Variants in CELA3A observed in about 807,000 individuals in gnomAD.
CELA3A encodes chymotrypsin like elastase 3A, also known as chymotrypsin-like elastase family member 3A.
Under a neutral mutation model 38.6 loss-of-function variants are expected in CELA3A, and 35 were observed. The ratio of observed to expected loss-of-function variants is 0.91; its 90% CI spans 0.69 to 1.20. The LOEUF (loss-of-function observed/expected upper bound fraction) is 1.20, where lower values mean the gene tolerates loss of function less well. Ranked by LOEUF, CELA3A falls within the 50% of genes most tolerant of loss-of-function variation. The pLI, the probability that CELA3A is intolerant of heterozygous loss-of-function variation, is 0.00. For synonymous variants in CELA3A, 143 were observed against 136.7 expected (o/e 1.05, Z -0.32); for missense variants, 343 against 354.2 (o/e 0.97, Z 0.25).
Position 22,005,418 on chromosome 1 carries a change from A to T in CELA3A, c.130-29A>T, listed in dbSNP as rs769142302. The T allele has an allele frequency of 3.7e-6, 6 of 1,609,822 alleles. No individual in the cohort carries two copies. In the Admixed American group the frequency reaches 1.0e-4, roughly 27 times the overall value. ...CAACTCTCATGGTGGGGCCCAGCCC[A>T]CTGAGGCCCTTTCCTCCTGGGCCAC... is the stretch of plus-strand genomic sequence containing the variant. On this transcript the variant is annotated intron_variant, in intron 2 of 7. Transcript: ENST00000290122.
chr1:22,007,254 C>T (rs1352682888), intron 5 of CELA3A, 119 bp from the exon 6 acceptor site: 11 of 1,402,594 alleles, frequency 7.8e-6, no homozygotes, highest in African/African-American at 4.4e-5. Flanking sequence ...GACCATTTAG[C>T]GGGTGGGAGG....
At chr1:22,006,141 A>C in intron 4 of CELA3A, 1 of 283,724 alleles carries the variant, frequency 3.5e-6, no homozygotes, top group African/African-American at 2.1e-5. Flanking sequence ...CATTCAATAG[A>C]TGGCTCACCC....
chr1:22,003,233 C>A, intron 2 of CELA3A, 145 bp downstream of exon 2: 1 of 889,114 alleles, frequency 1.1e-6, no homozygotes, highest in Admixed American at 2.3e-5. Flanking sequence ...GGACCATCTA[C>A]TTCACGGGGA....
At chr1:22,006,732 AATAATAATAATG>A in intron 4 of CELA3A, 134 bp from the exon 5 acceptor site, 20 of 459,218 alleles carry the variant, frequency 4.4e-5, no homozygotes, top group Admixed American at 8.4e-5. Flanking sequence ...TAATAATAAT[AATAATAATAATG>A]ATGATGAAAG....
At chr1:22,009,209 C>T (rs1482437166) in intron 6 of CELA3A, among the ~76,000 whole-genome samples, 2 of 151,216 alleles carry the variant, frequency 1.3e-5, no homozygotes, top group Admixed American at 1.3e-4. Flanking sequence ...ACGAAAAATA[C>T]AAAAATTAGC....
rs112859675 is a variant in CELA3A, at chr1:22,004,281, C to T, written c.130-1166C>T. 5.6e-4 allele frequency among the ~76,000 whole-genome samples: 85 copies of T among 150,814 alleles called. 6 individuals carry two copies. Among genetic ancestry groups the T allele is most frequent in the African/African-American group, 2.0e-3 (82 of 40,702 alleles). The stretch of plus-strand genomic sequence containing the variant: ...AGAGATGGGGTCTCACTATGTTGCC[C>T]AGGCTTGCCTCGAACTTCTGAGCTC... On this transcript the variant is annotated intron_variant, in intron 2 of 7. Transcript: ENST00000290122.
At chr1:22,010,293 A>C (rs373254577) in intron 7 of CELA3A, 31 of 385,520 alleles carry the variant, frequency 8.0e-5, no homozygotes, top group South Asian at 1.8e-4. Context: ...AATAACGCTC[A>C]TGGTAACAGT....
chr1:22,007,780 C>G (rs1433309633), intron 6 of CELA3A, among the ~76,000 whole-genome samples: 1 of 151,286 alleles, frequency 6.6e-6, no homozygotes, highest in Non-Finnish European at 1.5e-5. Flanking sequence ...TCCGCATCAG[C>G]ACAGCAGGAG....
chr1:22,006,668 G>A (rs1644951589), intron 4 of CELA3A, among the ~76,000 whole-genome samples: 1 of 150,332 alleles, frequency 6.7e-6, no homozygotes, highest in Non-Finnish European at 1.5e-5. Flanking sequence ...AGTGAGCTAT[G>A]ATTGTGACAC....
chr1:22,005,705 G>A lies in CELA3A; in HGVS notation c.271G>A (p.Ala91Thr). The change falls in exon 4 of 8, where the codon GCT becomes ACT. Residue 91 changes from alanine (A) to threonine (T), a missense_variant. By Grantham distance (58) the Ala-to-Thr change is moderately conservative (BLOSUM62 0). Transcript: ENST00000290122. ...GGTGGTGTTGGGTGAGTACAACCTT[G>A]CTGTGAAGGAGGGCCCCGAGCAGGT... ...YQVVLGEYNL[A>T]VKEGPEQVIP... 6.2e-7 allele frequency: 1 copy of A among 1,612,476 alleles called. No individual in the cohort carries two copies.
intron 6 of CELA3A, among the ~76,000 whole-genome samples, chr1:22,009,477 G>A (rs879621489): frequency 4.6e-5 from 7 of 151,314 alleles, no homozygotes; most frequent in Non-Finnish European, 1.0e-4. Context: ...CCTGGGAGCC[G>A]GGAGACGGAG....
chr1:22,008,414 G>A (rs1644963841), intron 6 of CELA3A, among the ~76,000 whole-genome samples: 1 of 150,676 alleles, frequency 6.6e-6, no homozygotes, highest in Non-Finnish European at 1.5e-5. Context: ...GCCTTCCAAA[G>A]TGTTATGTTT....
At chr1:22,010,289 G>A (rs369009349) in intron 7 of CELA3A, 26 of 387,264 alleles carry the variant, frequency 6.7e-5, no homozygotes, top group South Asian at 1.8e-4. Context: ...GACTAATAAC[G>A]CTCATGGTAA....
At chr1:22,009,193 G>A (rs1344883430) in intron 6 of CELA3A, among the ~76,000 whole-genome samples, 2 of 151,126 alleles carry the variant, frequency 1.3e-5, no homozygotes, top group East Asian at 1.9e-4. Flanking sequence ...GTGAAACCCC[G>A]TCTCTACGAA....
At chr1:22,007,718 A>C (rs11584257) in intron 6 of CELA3A, among the ~76,000 whole-genome samples, 5,412 of 151,120 alleles carry the variant, frequency 0.036, 505 homozygotes, top group African/African-American at 0.13. Context: ...GTCTCAGCTC[A>C]CACACTGACA....
intron 7 of CELA3A, chr1:22,010,960 ATAAAC>A (rs1387759753): frequency 6.6e-6 from 1 of 150,668 alleles, no homozygotes; most frequent in Non-Finnish European, 1.5e-5. Context: ...AAAAATGAAA[ATAAAC>A]TAAATAAAAT....
intron 7 of CELA3A, among the ~76,000 whole-genome samples, chr1:22,011,988 G>C (rs116482722): frequency 0.091 from 11,492 of 126,122 alleles, 2,744 homozygotes; most frequent in Non-Finnish European, 0.13. Context: ...AAGAAGTGGA[G>C]GTTGCAGTGA....
chr1:22,007,740 A>G (rs887149064), intron 6 of CELA3A, among the ~76,000 whole-genome samples: 1 of 151,212 alleles, frequency 6.6e-6, no homozygotes, highest in Non-Finnish European at 1.5e-5. Flanking sequence ...GACTTGGGAC[A>G]AGTCACTGTG....
chr1:22,003,150 C>G lies in CELA3A; in HGVS notation c.129+62C>G. On this transcript the variant is annotated intron_variant, in intron 2 of 7. Coordinates refer to ENST00000290122, the MANE Select transcript of CELA3A (RefSeq NM_005747.5). ...GGCTCTGGACCCTAAGCTCTAATGG[C>G]GTGGCATCCAGCCTTGACACCATTG... 2.8e-6 allele frequency: 4 copies of G among 1,422,862 alleles called. No homozygotes were observed. In the South Asian group the frequency reaches 4.8e-5, roughly 17 times the overall value. The allele number at this position is 1,422,862 out of a possible 1,614,324, so 88.1% of individuals were successfully genotyped here.
Sources: allele counts gnomAD v4.1 joint callset (sites outside exome capture counted in the v4.1 genomes callset), GRCh38; gene constraint gnomAD v4.1.1; transcripts MANE v1.5; gene names NCBI Gene and HGNC (gene_info 2026-07-23, HGNC 2026-07-21).